BASP1: variants seen among roughly 807,000 people sequenced by gnomAD.
BASP1 encodes brain abundant membrane attached signal protein 1, also known as brain acid soluble protein 1.
In BASP1, 1 loss-of-function variant was observed where a neutral mutation model predicts 2.2. The observed-to-expected ratio is 0.46, with a 90% CI of 0.16 to 2.17. The LOEUF is 2.17. Ranked by LOEUF, BASP1 falls within the 30% of genes most tolerant of loss-of-function variation. The pLI, the probability that BASP1 is intolerant of heterozygous loss-of-function variation, is 0.27. For missense variants in BASP1, 352 were observed against 327.2 expected, an observed-to-expected ratio of 1.08 and a Z score of -0.58; for synonymous variants, 187 against 154.2, an observed-to-expected ratio of 1.21 and a Z score of -1.58.
chr5:17,275,593 CCGCGGCCCCGGCCGAGAG>C lies in BASP1; in HGVS notation c.387_404del (p.Glu131_Ala136del), dbSNP rs781425516. The stretch of plus-strand genomic sequence containing the variant: ...GAGGCCCCCAAAGCTGCTGAGGCCG[CCGCGGCCCCGGCCGAGAG>C]CGCGGCCCCTGCCGCCGGGGAGGAG... On this transcript the variant is annotated inframe_deletion, in exon 2 of 2. Transcript: ENST00000322611. The surrounding 1 kb of genome is among the most constrained non-coding windows in gnomAD (Gnocchi z 5.3). 150 of 1,410,310 alleles carry C rather than the reference CCGCGGCCCCGGCCGAGAG, an allele frequency of 1.1e-4. No homozygotes were observed. Among genetic ancestry groups the C allele is most frequent in the Admixed American group, 3.5e-4 (10 of 28,798 alleles). The allele number at this position is 1,410,310 out of a possible 1,614,324, so 87.4% of individuals were successfully genotyped here. A position where few individuals can be genotyped will look rare whatever the true frequency, so the allele number is the denominator to read the frequency against.
At chr5:17,235,210 C>T (rs1484055491) in intron 1 of BASP1, among the ~76,000 whole-genome samples, 1 of 151,784 alleles carries the variant, frequency 6.6e-6, no homozygotes, top group Non-Finnish European at 1.5e-5. Context: ...ATGGGCCACT[C>T]AGCTTGAGAA....
At chr5:17,266,814 C>CA (rs70943882) in intron 1 of BASP1, among the ~76,000 whole-genome samples, 31,697 of 109,164 alleles carry the variant, frequency 0.29, 5,105 homozygotes, top group Non-Finnish European at 0.34. Flanking sequence ...GATCCTGTCT[C>CA]AAAAAAAAAA....
chr5:17,241,396 G>C (rs760588767), intron 1 of BASP1, among the ~76,000 whole-genome samples: 5 of 152,116 alleles, frequency 3.3e-5, no homozygotes, highest in Admixed American at 6.5e-5. Context: ...CACTGCGCCT[G>C]GCCCAAAGAT....
intron 1 of BASP1, among the ~76,000 whole-genome samples, chr5:17,256,325 G>T (rs565688063): frequency 1.3e-5 from 2 of 152,152 alleles, no homozygotes; most frequent in Non-Finnish European, 2.9e-5. Flanking sequence ...GGCTAGCATC[G>T]GCTCTGCTAC....
chr5:17,238,019 T>A (rs1183625522), intron 1 of BASP1, among the ~76,000 whole-genome samples: 1 of 152,180 alleles, frequency 6.6e-6, no homozygotes. Flanking sequence ...AAATGCTTAT[T>A]TGGGGGATTC....
chr5:17,262,144 T>C (rs1740326799), intron 1 of BASP1, among the ~76,000 whole-genome samples: 1 of 150,060 alleles, frequency 6.7e-6, no homozygotes, highest in Admixed American at 6.6e-5. Context: ...CTAAGTAATT[T>C]TCCCTATTAG....
At chr5:17,245,892 T>C (rs1386729636) in intron 1 of BASP1, among the ~76,000 whole-genome samples, 2 of 152,098 alleles carry the variant, frequency 1.3e-5, no homozygotes, top group African/African-American at 4.8e-5. Context: ...GTGTGCTGGC[T>C]TTCATGGAGT....
Position 17,225,386 on chromosome 5 carries a change from C to T in BASP1, c.-10+7576C>T, listed in dbSNP as rs544040140. ...AGGGGGACGGTGCAGTCACTACCTGCTGCCACTTCATCCACAGGCCATCTT... is the reference window on the plus strand; with the variant it reads ...AGGGGGACGGTGCAGTCACTACCTGTTGCCACTTCATCCACAGGCCATCTT... On this transcript the variant is annotated intron_variant, in intron 1 of 1. Transcript: ENST00000322611. Among the ~76,000 whole-genome samples, 336 of 152,260 alleles carry T rather than the reference C, an allele frequency of 2.2e-3. 1 individual carries two copies. The highest frequency in any genetic ancestry group is 7.9e-3 in the African/African-American group (328 of 41,544).
intron 1 of BASP1, among the ~76,000 whole-genome samples, chr5:17,270,225 C>T (rs1740503707): frequency 6.6e-6 from 1 of 152,168 alleles, no homozygotes; most frequent in African/African-American, 2.4e-5. Context: ...GTCTTCAACT[C>T]TTGACCTCAG....
In BASP1 at chr5:17,275,627, C is replaced by G. The variant is rs537153552; in HGVS notation, c.411C>G (p.Ala137=). The change falls in exon 2 of 2, where the codon GCC becomes GCG. Residue 137 remains alanine, a synonymous_variant. Coordinates refer to ENST00000322611, the MANE Select transcript of BASP1 (RefSeq NM_006317.5). This position sits in a 1 kb window ranked among gnomAD's most constrained non-coding sequence, Gnocchi z 5.3. ...CGGCCGAGAGCGCGGCCCCTGCCGC[C>G]GGGGAGGAGCCCAGCAAGGAGGAAG... ...AAPAESAAPA[A]GEEPSKEEGE... 4 of 1,488,194 alleles carry G rather than the reference C, an allele frequency of 2.7e-6. No homozygotes were observed. The African/African-American group carries it at 4.4e-5, about 16-fold the overall frequency. 92.2% of individuals were successfully genotyped at this position (1,488,194 alleles called of 1,614,324 possible).
At chr5:17,263,231 T>G (rs1331165575) in intron 1 of BASP1, among the ~76,000 whole-genome samples, 1 of 152,162 alleles carries the variant, frequency 6.6e-6, no homozygotes, top group East Asian at 1.9e-4. Context: ...CAAATTATAT[T>G]GTGACAGAGT....
intron 1 of BASP1, among the ~76,000 whole-genome samples, chr5:17,270,683 T>C (rs1168181890): frequency 6.6e-6 from 1 of 152,250 alleles, no homozygotes; most frequent in Non-Finnish European, 1.5e-5. Flanking sequence ...GGAACCTGTG[T>C]GCTAACTATT....
intron 1 of BASP1, among the ~76,000 whole-genome samples, chr5:17,242,590 T>C (rs1739889366): frequency 6.6e-6 from 1 of 152,190 alleles, no homozygotes; most frequent in Non-Finnish European, 1.5e-5. Flanking sequence ...TATCTCCAAT[T>C]AGAGTAGCAT....
At chr5:17,227,779 A>G (rs542748528) in intron 1 of BASP1, among the ~76,000 whole-genome samples, 14 of 152,288 alleles carry the variant, frequency 9.2e-5, no homozygotes, top group African/African-American at 2.9e-4. Flanking sequence ...GGCTTCTCAT[A>G]ATCACCCAAC....
At chr5:17,242,890 T>C (rs941686818) in intron 1 of BASP1, among the ~76,000 whole-genome samples, 7 of 151,918 alleles carry the variant, frequency 4.6e-5, no homozygotes, top group African/African-American at 1.7e-4. Flanking sequence ...TTTTTCCTTC[T>C]AAAAGGATTT....
chr5:17,231,056 T>C (rs1320835982), intron 1 of BASP1, among the ~76,000 whole-genome samples: 1 of 152,198 alleles, frequency 6.6e-6, no homozygotes, highest in Non-Finnish European at 1.5e-5. Flanking sequence ...CCACTGGTCT[T>C]AAAAATAATT....
chr5:17,263,706 G>A (rs575271926), intron 1 of BASP1, among the ~76,000 whole-genome samples: 1 of 152,312 alleles, frequency 6.6e-6, no homozygotes, highest in African/African-American at 2.4e-5. Flanking sequence ...ATGTGAGTGT[G>A]TGCTAATCTG....
intron 1 of BASP1, among the ~76,000 whole-genome samples, chr5:17,270,783 G>A (rs1579504104): frequency 3.3e-5 from 5 of 152,292 alleles, no homozygotes; most frequent in African/African-American, 9.6e-5. Flanking sequence ...CCCTGGAAAT[G>A]TAAAATGTTG....
intron 1 of BASP1, among the ~76,000 whole-genome samples, chr5:17,274,516 C>T (rs1740587934): frequency 2.0e-5 from 3 of 152,218 alleles, no homozygotes; most frequent in Admixed American, 1.3e-4. Context: ...CAACGCCTTT[C>T]TCTAGCTCTA....
Sources: gnomAD v4.1 joint callset for allele counts (sites outside exome capture counted in the v4.1 genomes callset) on GRCh38, gnomAD v4.1.1 for gene constraint, Gnocchi (gnomAD v3.1) non-coding constraint, MANE v1.5 for transcripts, NCBI Gene and HGNC (gene_info 2026-07-23, HGNC 2026-07-21) for gene names.